Variants in SYCE3 observed in about 807,000 individuals in gnomAD.
SYCE3 encodes the protein testis highly expressed gene 2 protein.
SYCE3 carries 3 observed loss-of-function variants against 8.1 expected under a neutral mutation model. The observed-to-expected ratio is 0.37, with a 90% CI of 0.17 to 0.96. The LOEUF is 0.96. Ranked by LOEUF, SYCE3 falls within the 40% of genes least tolerant of loss-of-function variation. SYCE3 has a pLI of 0.41. For synonymous variants in SYCE3, 36 were observed against 38.7 expected, an observed-to-expected ratio of 0.93 and a Z score of 0.26; for missense variants, 83 against 110.0, an observed-to-expected ratio of 0.75 and a Z score of 1.10.
At chr22:50,555,327 C>T (rs2069849519) in intron 2 of SYCE3, among the ~76,000 whole-genome samples, 2 of 152,058 alleles carry the variant, frequency 1.3e-5, no homozygotes, top group African/African-American at 4.8e-5. Flanking sequence ...GAGAAATTTT[C>T]TAAAGTCTGC....
At chr22:50,558,100 G>A (rs2069878254) in intron 1 of SYCE3, among the ~76,000 whole-genome samples, 1 of 152,134 alleles carries the variant, frequency 6.6e-6, no homozygotes, top group South Asian at 2.1e-4. Flanking sequence ...TAAAGGAGTT[G>A]ACCATTGTAA....
intron 2 of SYCE3, among the ~76,000 whole-genome samples, chr22:50,556,039 C>G (rs562687492): frequency 6.6e-6 from 1 of 152,066 alleles, no homozygotes; most frequent in Non-Finnish European, 1.5e-5. Flanking sequence ...GTGATCCACC[C>G]GTCTCGGCCT....
chr22:50,561,849 G>C (rs1469353781), intron 1 of SYCE3, among the ~76,000 whole-genome samples: 1 of 150,082 alleles, frequency 6.7e-6, no homozygotes, highest in South Asian at 2.1e-4. Context: ...GGCGGGTCCT[G>C]AAGTGCAGGT....
chr22:50,551,193 C>A lies in SYCE3; in HGVS notation c.*52G>T, dbSNP rs1351142866. The A allele has an allele frequency of 6.5e-7, 1 of 1,540,880 alleles. No homozygotes were observed. Among genetic ancestry groups the A allele is most frequent in the Non-Finnish European group, 8.8e-7 (1 of 1,139,956 alleles). On this transcript the variant is annotated 3_prime_UTR_variant, in exon 3 of 3. Coordinates refer to ENST00000406915, the MANE Select transcript of SYCE3 (RefSeq NM_001123225.3). ...GGGTGCCAGCTCCATCCCCCAGTGA[C>A]CTCTTCATACGGGCAGAGGGTGGCA... is the stretch of plus-strand genomic sequence containing the variant.
Position 50,560,836 on chromosome 22 carries a change from T to C in SYCE3, c.-1+2022A>G, listed in dbSNP as rs73443394. Among the ~76,000 whole-genome samples the C allele has an allele frequency of 8.5e-3, 1,289 of 151,898 alleles. 15 individuals carry two copies. The highest frequency in any genetic ancestry group is 0.029 in the African/African-American group (1,205 of 41,418). On this transcript the variant is annotated intron_variant, in intron 1 of 2. Coordinates refer to ENST00000406915, the MANE Select transcript of SYCE3 (RefSeq NM_001123225.3). ...GTAAGGGAAGGTAAGGAGGTAGAGA[T>C]AGAATAAGGTAGGTAGAGGTCAAGG... is the stretch of plus-strand genomic sequence containing the variant.
At position 50,551,589 on chromosome 22, in the gene SYCE3, A is replaced by G. The variant is rs148832643; in HGVS notation, c.110-187T>C. 5.9e-5 allele frequency among the ~76,000 whole-genome samples: 9 copies of G among 152,286 alleles called. No homozygotes were observed. In the East Asian group the frequency reaches 1.7e-3, roughly 29 times the overall value. Reference sequence around the variant, plus strand: ...TACAGGCTCATAAAAACTCCCTACAAACATCCATAGTGACGCTTCCTAGTC... The same window carrying G: ...TACAGGCTCATAAAAACTCCCTACAGACATCCATAGTGACGCTTCCTAGTC... On this transcript the variant is annotated intron_variant, in intron 2 of 2. Coordinates refer to ENST00000406915, the MANE Select transcript of SYCE3 (RefSeq NM_001123225.3).
intron 1 of SYCE3, among the ~76,000 whole-genome samples, chr22:50,559,189 T>C (rs2069890044): frequency 6.6e-6 from 1 of 151,916 alleles, no homozygotes; most frequent in South Asian, 2.1e-4. Flanking sequence ...TGCAGTGGCG[T>C]CATATCGGCT....
chr22:50,558,036 A>T (rs1409371667), intron 1 of SYCE3, among the ~76,000 whole-genome samples: 1 of 152,198 alleles, frequency 6.6e-6, no homozygotes, highest in Non-Finnish European at 1.5e-5. Context: ...AACTATTCCT[A>T]GTGTTCAGCT....
In SYCE3 at chr22:50,551,236, C is replaced by T. The variant is rs2069804302; in HGVS notation, c.*9G>A. 5.8e-6 allele frequency: 9 copies of T among 1,550,722 alleles called. No individual in the cohort carries two copies. Among genetic ancestry groups the T allele is most frequent in the Non-Finnish European group, 7.8e-6 (9 of 1,146,510 alleles). On this transcript the variant is annotated 3_prime_UTR_variant, in exon 3 of 3. Coordinates refer to ENST00000406915, the MANE Select transcript of SYCE3 (RefSeq NM_001123225.3). ...GGGTGGCATGGCAGCTGTGGTGGGCCAGTGGGGCCTACAGCCTTTGCTTGG... is the reference window on the plus strand; with the variant it reads ...GGGTGGCATGGCAGCTGTGGTGGGCTAGTGGGGCCTACAGCCTTTGCTTGG...
At chr22:50,552,893 T>A (rs184206672) in intron 2 of SYCE3, among the ~76,000 whole-genome samples, 1 of 152,086 alleles carries the variant, frequency 6.6e-6, no homozygotes, top group East Asian at 1.9e-4. Flanking sequence ...TGAGGCTCTA[T>A]GTGAGGATAC....
rs2146601705 is a variant in SYCE3, at chr22:50,562,900, G to C, written c.-43C>G. ...CTCCGGTCCTGCTCTGGCGCCCCCAGCGGCCGCTTGAGGAACAAGGCCGCT... is the reference window on the plus strand; with the variant it reads ...CTCCGGTCCTGCTCTGGCGCCCCCACCGGCCGCTTGAGGAACAAGGCCGCT... On this transcript the variant is annotated 5_prime_UTR_variant, in exon 1 of 3. Coordinates refer to ENST00000406915, the MANE Select transcript of SYCE3 (RefSeq NM_001123225.3). 1 of 152,446 alleles carries C rather than the reference G, an allele frequency of 6.6e-6. No homozygotes were observed. Among genetic ancestry groups the C allele is most frequent in the African/African-American group, 2.4e-5 (1 of 41,514 alleles). The allele number at this position is 152,446 out of a possible 1,614,324, so 9.4% of individuals were successfully genotyped here.
At chr22:50,553,155 T>C (rs2069826911) in intron 2 of SYCE3, among the ~76,000 whole-genome samples, 2 of 152,082 alleles carry the variant, frequency 1.3e-5, no homozygotes, top group African/African-American at 2.4e-5. Context: ...TGAGCCAAGA[T>C]TGCACTACTG....
chr22:50,558,679 G>GT (rs1156828238), intron 1 of SYCE3, among the ~76,000 whole-genome samples: 1 of 152,186 alleles, frequency 6.6e-6, no homozygotes, highest in Non-Finnish European at 1.5e-5. Flanking sequence ...TTTGCTAAGA[G>GT]TAAGTGGGGA....
rs115524823 is a variant in SYCE3 at position 50,552,079 on chromosome 22, A to G, written c.110-677T>C. ...AGTGTGTGCAGAAATCCCACCTCCA[A>G]CTTTTTCTCTGCATAGTCCACCGGC... On this transcript the variant is annotated intron_variant, in intron 2 of 2. Transcript: ENST00000406915. 4.0e-3 allele frequency among the ~76,000 whole-genome samples: 605 copies of G among 152,172 alleles called. 7 individuals carry two copies. The highest frequency in any genetic ancestry group is 0.014 in the African/African-American group (569 of 41,500).
intron 2 of SYCE3, among the ~76,000 whole-genome samples, chr22:50,551,648 A>G (rs1017385783): frequency 3.3e-5 from 5 of 149,672 alleles, no homozygotes; most frequent in Admixed American, 2.6e-4. Flanking sequence ...TACACCAGAC[A>G]TGATGTAAAA....
rs1206918990 is a variant in SYCE3 at position 50,551,248 on chromosome 22, C to T, written c.264G>A (p.Leu88=). ...QELLHETKQR[L] ...AGCTGTGGTGGGCCAGTGGGGCCTA[C>T]AGCCTTTGCTTGGTCTCATGCAGCA... Residue 88 remains leucine (L), a synonymous_variant, in exon 3 of 3, where the codon CTG becomes CTA. Transcript: ENST00000406915. The T allele has an allele frequency of 1.9e-5, 30 of 1,551,136 alleles. No individual in the cohort carries two copies. The highest frequency in any genetic ancestry group is 2.6e-5 in the Non-Finnish European group (30 of 1,146,876).
chr22:50,558,688 G>A (rs1238503529), intron 1 of SYCE3, among the ~76,000 whole-genome samples: 3 of 152,200 alleles, frequency 2.0e-5, no homozygotes, highest in Non-Finnish European at 4.4e-5. Context: ...AGTAAGTGGG[G>A]AGGTACAGGC....
intron 2 of SYCE3, among the ~76,000 whole-genome samples, chr22:50,552,018 A>G (rs1377212471): frequency 6.6e-6 from 1 of 152,146 alleles, no homozygotes; most frequent in African/African-American, 2.4e-5. Flanking sequence ...CCCTGGGCCT[A>G]TAGGTGAACA....
intron 1 of SYCE3, among the ~76,000 whole-genome samples, chr22:50,561,877 C>T (rs73891283): frequency 0.057 from 8,380 of 147,598 alleles, 425 homozygotes; most frequent in African/African-American, 0.13. Flanking sequence ...GCCAGAGGTG[C>T]GTGTGGGAAC....
Sources: gnomAD v4.1 joint callset for allele counts (sites outside exome capture counted in the v4.1 genomes callset) on GRCh38, gnomAD v4.1.1 for gene constraint, MANE v1.5 for transcripts, NCBI Gene and HGNC (gene_info 2026-07-23, HGNC 2026-07-21) for gene names.